CMSS1: variants seen among roughly 807,000 people sequenced by gnomAD.
CMSS1 encodes protein CMSS1.
CMSS1 carries 33 observed loss-of-function variants against 43.5 expected under a neutral mutation model. That is an observed-to-expected ratio of 0.76 (90% confidence interval 0.57 to 1.01). The LOEUF (loss-of-function observed/expected upper bound fraction) is 1.01, where lower values mean the gene tolerates loss of function less well. CMSS1 is among the 50% of genes least tolerant of loss of function. CMSS1 has a pLI of 0.00. For synonymous variants in CMSS1, 115 were observed against 117.2 expected, an observed-to-expected ratio of 0.98 and a Z score of 0.12; for missense variants, 313 against 326.4, an observed-to-expected ratio of 0.96 and a Z score of 0.32.
chr3:100,041,620 T>A (rs1385266281), intron 1 of CMSS1, among the ~76,000 whole-genome samples: 1 of 152,182 alleles, frequency 6.6e-6, no homozygotes, highest in Non-Finnish European at 1.5e-5. Flanking sequence ...ACAGGAAAGA[T>A]GATTCATTAA....
chr3:99,992,651 A>G (rs1709558593), intron 1 of CMSS1, among the ~76,000 whole-genome samples: 1 of 151,666 alleles, frequency 6.6e-6, no homozygotes, highest in Non-Finnish European at 1.5e-5. Context: ...TTTGGTATAC[A>G]CAAGCTTTTT....
intron 1 of CMSS1, among the ~76,000 whole-genome samples, chr3:99,902,919 A>T (rs938226735): frequency 6.6e-6 from 1 of 152,228 alleles, no homozygotes; most frequent in Non-Finnish European, 1.5e-5. Context: ...AGCAACTAAA[A>T]TCTATAAAAT....
chr3:99,848,226 G>C, intron 1 of CMSS1: 2 of 1,582,446 alleles, frequency 1.3e-6, no homozygotes, highest in Non-Finnish European at 1.7e-6. Context: ...AAAAAGGATT[G>C]AGTTCCTTGC....
chr3:99,936,562 G>A (rs1378952597), intron 1 of CMSS1, among the ~76,000 whole-genome samples: 1 of 49,240 alleles, frequency 2.0e-5, no homozygotes, highest in South Asian at 7.1e-4. Flanking sequence ...TTTTACTAGA[G>A]GTGGAATTTC....
chr3:100,132,584 C>A (rs1037046326), intron 1 of CMSS1, among the ~76,000 whole-genome samples: 6 of 152,054 alleles, frequency 3.9e-5, no homozygotes, highest in Admixed American at 1.3e-4. Context: ...CTTTGGGAGG[C>A]TGAGGCCGGC....
intron 1 of CMSS1, among the ~76,000 whole-genome samples, chr3:99,929,694 T>C (rs138158224): frequency 6.8e-4 from 103 of 152,338 alleles, no homozygotes; most frequent in Non-Finnish European, 1.2e-3. Flanking sequence ...TCATTCTTTT[T>C]AACTTTCCTA....
chr3:100,103,572 A>G (rs1484312720), intron 1 of CMSS1, among the ~76,000 whole-genome samples: 1 of 152,206 alleles, frequency 6.6e-6, no homozygotes, highest in African/African-American at 2.4e-5. Flanking sequence ...AGGTAACAAC[A>G]ACCATTCTTC....
rs530872411 is a variant in CMSS1 at position 99,974,091 on chromosome 3, A to G, written c.64+156048A>G. 4.3e-4 allele frequency among the ~76,000 whole-genome samples: 66 copies of G among 152,296 alleles called. 1 individual carries two copies. In the Middle Eastern group the frequency reaches 0.01, roughly 24 times the overall value. On this transcript the variant is annotated intron_variant, in intron 1 of 9. Coordinates refer to ENST00000421999, the MANE Select transcript of CMSS1 (RefSeq NM_032359.4). Reference sequence around the variant, plus strand: ...TTTTTCAGAGGCAGACTGGGGAACTATGTTTCTTTTTAATGGTCTTTTAAT... The same window carrying G: ...TTTTTCAGAGGCAGACTGGGGAACTGTGTTTCTTTTTAATGGTCTTTTAAT...
chr3:99,865,284 A>G (rs1246235324), intron 1 of CMSS1, among the ~76,000 whole-genome samples: 1 of 152,234 alleles, frequency 6.6e-6, no homozygotes, highest in Admixed American at 6.5e-5. Context: ...TGGCAGAGCC[A>G]GAATGCCAGT....
chr3:100,019,185 C>T (rs1391751746), intron 1 of CMSS1, among the ~76,000 whole-genome samples: 1 of 151,982 alleles, frequency 6.6e-6, no homozygotes, highest in African/African-American at 2.4e-5. Flanking sequence ...GGCATATATC[C>T]AAAAGAAAAT....
At chr3:99,821,362 TG>T (rs983821060) in intron 1 of CMSS1, among the ~76,000 whole-genome samples, 1 of 152,214 alleles carries the variant, frequency 6.6e-6, no homozygotes, top group Non-Finnish European at 1.5e-5. Context: ...ATTAGAATTT[TG>T]CAGGGACTCT....
intron 1 of CMSS1, among the ~76,000 whole-genome samples, chr3:99,907,555 T>C (rs1706659676): frequency 6.6e-6 from 1 of 152,266 alleles, no homozygotes; most frequent in Non-Finnish European, 1.5e-5. Context: ...CGTACCCCTT[T>C]ATTTTGACAT....
intron 1 of CMSS1, chr3:99,898,905 ACT>A (rs1440566903): frequency 2.0e-5 from 3 of 152,124 alleles, no homozygotes; most frequent in African/African-American, 4.8e-5. Context: ...ATGAACACTG[ACT>A]CTGAAGCTCT....
chr3:99,912,821 A>G (rs1050592637), intron 1 of CMSS1, among the ~76,000 whole-genome samples: 5 of 152,178 alleles, frequency 3.3e-5, no homozygotes, highest in Admixed American at 6.5e-5. Flanking sequence ...ATATTTGTGT[A>G]CAGATTTTTG....
intron 1 of CMSS1, among the ~76,000 whole-genome samples, chr3:100,103,044 G>A (rs763870019): frequency 6.6e-6 from 1 of 152,220 alleles, no homozygotes; most frequent in Non-Finnish European, 1.5e-5. Context: ...GGGAGACTAA[G>A]TGCTGTAAAA....
intron 1 of CMSS1, among the ~76,000 whole-genome samples, chr3:99,820,565 G>A (rs1407269455): frequency 6.6e-6 from 1 of 152,226 alleles, no homozygotes; most frequent in Non-Finnish European, 1.5e-5. Flanking sequence ...CTGCTCTTAA[G>A]CAAAGTAAGT....
intron 1 of CMSS1, among the ~76,000 whole-genome samples, chr3:99,885,002 T>C (rs1012870398): frequency 3.3e-5 from 5 of 152,228 alleles, no homozygotes; most frequent in Admixed American, 2.6e-4. Context: ...AAAATTGTGC[T>C]ACGATACTGT....
At chr3:99,930,036 G>T in intron 1 of CMSS1, 2 of 1,586,906 alleles carry the variant, frequency 1.3e-6, no homozygotes, top group African/African-American at 1.4e-5. Flanking sequence ...GAGCCTGTAG[G>T]AACAAAAAGT....
chr3:100,017,140 C>A (rs985915421), intron 1 of CMSS1, among the ~76,000 whole-genome samples: 1 of 152,134 alleles, frequency 6.6e-6, no homozygotes, highest in Non-Finnish European at 1.5e-5. Flanking sequence ...AAATGTTTGT[C>A]ATCAAAAATC....
Sources: gnomAD v4.1 joint callset for allele counts (sites outside exome capture counted in the v4.1 genomes callset) on GRCh38, gnomAD v4.1.1 for gene constraint, MANE v1.5 for transcripts, NCBI Gene and HGNC (gene_info 2026-07-23, HGNC 2026-07-21) for gene names.